YBX1: variants seen among roughly 807,000 people sequenced by gnomAD.
The protein encoded by YBX1 is Y-box binding protein 1.
A neutral mutation model predicts 41.4 loss-of-function variants in YBX1; 3 were observed. The ratio of observed to expected loss-of-function variants is 0.07; its 90% CI spans 0.03 to 0.19. YBX1 has a LOEUF of 0.19. Ranked by LOEUF, YBX1 falls within the 10% of genes least tolerant of loss-of-function variation. The probability of loss-of-function intolerance (pLI) is 1.00; values close to 1 mark genes in which losing one functional copy is unlikely to be tolerated. For missense variants in YBX1, 274 were observed against 462.8 expected, an observed-to-expected ratio of 0.59 and a Z score of 3.74; for synonymous variants, 133 against 165.8, an observed-to-expected ratio of 0.80 and a Z score of 1.52.
chr1:42,683,446 C>G lies in YBX1; in HGVS notation c.210C>G (p.Asn70Lys). 1 of 1,613,954 alleles carries G rather than the reference C, an allele frequency of 6.2e-7. No individual in the cohort carries two copies. The highest frequency in any genetic ancestry group is 8.5e-7 in the Non-Finnish European group (1 of 1,180,034). ...CAGTAAAATGGTTCAATGTAAGGAA[C>G]GGATATGGTTTCATCAACAGGTGAG... Reference protein sequence around the residue: ...LGTVKWFNVRNGYGFINRNDT... With the variant: ...LGTVKWFNVRKGYGFINRNDT... The change falls in exon 2 of 8, where the codon AAC becomes AAG. Residue 70 changes from asparagine (N) to lysine (K), a missense_variant. By Grantham distance (94) the Asn-to-Lys change is moderately conservative. Coordinates refer to ENST00000321358, the MANE Select transcript of YBX1 (RefSeq NM_004559.5).
chr1:42,695,928 T>TA (rs1198283112), intron 3 of YBX1, among the ~76,000 whole-genome samples: 2 of 152,250 alleles, frequency 1.3e-5, no homozygotes, highest in Non-Finnish European at 2.9e-5. Flanking sequence ...AAGCAGTTTT[T>TA]AAAATGATGT....
At chr1:42,683,797 C>T (rs1292314494) in intron 2 of YBX1, among the ~76,000 whole-genome samples, 1 of 152,156 alleles carries the variant, frequency 6.6e-6, no homozygotes, top group Non-Finnish European at 1.5e-5. Flanking sequence ...CATTTTTATC[C>T]TTGTCATCTT....
chr1:42,683,277 G>A, intron 1 of YBX1, 126 bp from the exon 2 acceptor site: 1 of 1,124,808 alleles, frequency 8.9e-7, no homozygotes, highest in Non-Finnish European at 1.3e-6. Flanking sequence ...CACCCGGGCG[G>A]TGGAGAGAAA....
intron 2 of YBX1, among the ~76,000 whole-genome samples, chr1:42,683,868 A>T (rs148447510): frequency 2.0e-5 from 3 of 152,176 alleles, no homozygotes; most frequent in Non-Finnish European, 4.4e-5. Context: ...ATATTTATAC[A>T]TTGTTAACGT....
intron 7 of YBX1, 70 bp downstream of exon 7, chr1:42,701,116 A>G: frequency 1.7e-6 from 2 of 1,165,352 alleles, no homozygotes; most frequent in Admixed American, 2.4e-5. Flanking sequence ...TATTAATGCA[A>G]GAGTAGAAAA....
chr1:42,693,150 G>GT (rs1650380504), intron 2 of YBX1, among the ~76,000 whole-genome samples: 1 of 152,164 alleles, frequency 6.6e-6, no homozygotes, highest in South Asian at 2.1e-4. Flanking sequence ...TGCTCTAGAG[G>GT]TAAGAGGAGG....
In YBX1 at chr1:42,702,693, A is replaced by C. The variant is rs763277027; in HGVS notation, c.*744A>C. Among the ~76,000 whole-genome samples the C allele has an allele frequency of 2.0e-5, 3 of 152,110 alleles. No homozygotes were observed. Among genetic ancestry groups the C allele is most frequent in the Non-Finnish European group, 4.4e-5 (3 of 68,010 alleles). ...ACCAGACTCTCATCCTGCTCCACTTAGTTTTGTCACCTTGGGAGAATTTGT... is the reference window on the plus strand; with the variant it reads ...ACCAGACTCTCATCCTGCTCCACTTCGTTTTGTCACCTTGGGAGAATTTGT... On this transcript the variant is annotated 3_prime_UTR_variant, in exon 8 of 8. Transcript: ENST00000321358.
At chr1:42,693,229 C>G (rs968566601) in intron 2 of YBX1, among the ~76,000 whole-genome samples, 1 of 151,664 alleles carries the variant, frequency 6.6e-6, no homozygotes, top group Non-Finnish European at 1.5e-5. Flanking sequence ...TCATTGCTAC[C>G]CTCTTAATTA....
intron 2 of YBX1, among the ~76,000 whole-genome samples, chr1:42,693,041 T>TGGGGA (rs1650377969): frequency 6.6e-6 from 1 of 152,006 alleles, no homozygotes; most frequent in Non-Finnish European, 1.5e-5. Context: ...ATTCTGTTGG[T>TGGGGA]GGGGAGGGGG....
At chr1:42,687,914 A>G (rs369295201) in intron 2 of YBX1, among the ~76,000 whole-genome samples, 74 of 152,294 alleles carry the variant, frequency 4.9e-4, no homozygotes, top group African/African-American at 1.6e-3. Flanking sequence ...AGGTTTAAAG[A>G]CTTTTCTGCA....
chr1:42,701,528 G>GTTTT (rs200264018), intron 7 of YBX1, among the ~76,000 whole-genome samples: 2 of 143,514 alleles, frequency 1.4e-5, no homozygotes, highest in Non-Finnish European at 1.5e-5. Context: ...ATTTCTAATT[G>GTTTT]TTTTTTTTTT....
At position 42,696,257 on chromosome 1, in the gene YBX1, C is replaced by A; in HGVS notation, c.323C>A (p.Thr108Asn). 6.2e-7 allele frequency: 1 copy of A among 1,613,204 alleles called. No individual in the cohort carries two copies. Among genetic ancestry groups the A allele is most frequent in the Non-Finnish European group, 8.5e-7 (1 of 1,179,484 alleles). Reference sequence around the variant, plus strand: ...CTTCGCAGTGTAGGAGATGGAGAGACTGTGGAGTTTGATGTTGTTGAAGGA... The same window carrying A: ...CTTCGCAGTGTAGGAGATGGAGAGAATGTGGAGTTTGATGTTGTTGAAGGA... ...KYLRSVGDGETVEFDVVEGEK... is the reference protein window; with the variant it reads ...KYLRSVGDGENVEFDVVEGEK... Residue 108 changes from threonine (T) to asparagine (N), a missense_variant, in exon 4 of 8, where the codon ACT (threonine) becomes AAT (asparagine). Thr to Asn is a moderately conservative substitution (Grantham distance 65). This residue lies in a region of YBX1 where 187 missense variants were observed against 306.3 expected (regional missense o/e 0.61). Coordinates refer to ENST00000321358, the MANE Select transcript of YBX1 (RefSeq NM_004559.5). The surrounding 1 kb of genome is among the most constrained non-coding windows in gnomAD (Gnocchi z 5.7).
At chr1:42,698,880 T>C (rs972621934) in intron 6 of YBX1, among the ~76,000 whole-genome samples, 2 of 152,188 alleles carry the variant, frequency 1.3e-5, no homozygotes, top group Admixed American at 6.5e-5. Flanking sequence ...CAGGAATCTT[T>C]TGTTCAAATG....
chr1:42,683,128 T>G, intron 1 of YBX1: 3 of 615,158 alleles, frequency 4.9e-6, no homozygotes, highest in Non-Finnish European at 8.9e-6. Context: ...CCGGAGCGGC[T>G]TCCCCTTCCC....
chr1:42,698,845 T>C (rs1650523981), intron 6 of YBX1, among the ~76,000 whole-genome samples: 2 of 152,222 alleles, frequency 1.3e-5, no homozygotes, highest in South Asian at 4.1e-4. Flanking sequence ...AAGTTATCAA[T>C]GAATGCTAGA....
chr1:42,692,814 C>T (rs1650371154), intron 2 of YBX1, among the ~76,000 whole-genome samples: 1 of 152,180 alleles, frequency 6.6e-6, no homozygotes, highest in South Asian at 2.1e-4. Flanking sequence ...ATTCTCTACC[C>T]CCTCGCTTCT....
intron 2 of YBX1, among the ~76,000 whole-genome samples, chr1:42,693,018 CTT>C (rs1342944970): frequency 1.3e-5 from 2 of 152,140 alleles, no homozygotes; most frequent in Non-Finnish European, 2.9e-5. Context: ...AGGTTTCACT[CTT>C]TGCGTTATAC....
chr1:42,700,608 A>AG (rs1176640688), intron 6 of YBX1, among the ~76,000 whole-genome samples, 173 bp from the exon 7 acceptor site: 2 of 57,716 alleles, frequency 3.5e-5, no homozygotes, highest in Non-Finnish European at 3.3e-5. Flanking sequence ...CCTACTCAGC[A>AG]TCCCCCCCCC....
rs900162398 is a variant in YBX1, at chr1:42,696,172, TCTATTTTTGGAATGTG to T, written c.265-26_265-11del. The stretch of plus-strand genomic sequence containing the variant: ...AAAGCACATTATTCTCCCCTGTTAA[TCTATTTTTGGAATGTG>T]ATATTACTAGACTGCCATAAAGAAG... On this transcript the variant is annotated splice_polypyrimidine_tract_variant and intron_variant, in intron 3 of 7. Coordinates refer to ENST00000321358, the MANE Select transcript of YBX1 (RefSeq NM_004559.5). This position sits in a 1 kb window ranked among gnomAD's most constrained non-coding sequence, Gnocchi z 5.7. The T allele has an allele frequency of 1.3e-6, 2 of 1,570,390 alleles. No individual in the cohort carries two copies. The highest frequency in any genetic ancestry group is 3.6e-5 in the Admixed American group (2 of 55,916).
Sources: allele counts gnomAD v4.1 joint callset (sites outside exome capture counted in the v4.1 genomes callset), GRCh38; gene constraint gnomAD v4.1.1; regional missense constraint gnomAD v4.1.1; non-coding constraint Gnocchi (gnomAD v3.1); transcripts MANE v1.5; gene names NCBI Gene and HGNC (gene_info 2026-07-23, HGNC 2026-07-21).